Variants in MYO10 observed in about 807,000 individuals in gnomAD.
The protein encoded by MYO10 is myosin X.
A neutral mutation model predicts 257.3 loss-of-function variants in MYO10; 133 were observed. The observed-to-expected ratio is 0.52, with a 90% CI of 0.45 to 0.60. The LOEUF (loss-of-function observed/expected upper bound fraction) is 0.60, where lower values mean the gene tolerates loss of function less well. Among genes scored for constraint, MYO10 ranks in the 20% least tolerant of loss-of-function variants. The pLI is 0.00. For synonymous variants in MYO10, 1,104 were observed against 1,028.6 expected (o/e 1.07, Z -1.40); for missense variants, 2,399 against 2,635.7 (o/e 0.91, Z 1.97).
At chr5:16,709,919 C>A (rs1268579075) in intron 21 of MYO10, among the ~76,000 whole-genome samples, 2 of 152,144 alleles carry the variant, frequency 1.3e-5, no homozygotes, top group African/African-American at 4.8e-5. Context: ...CATGACTTTC[C>A]CTTGCTGAAT....
intron 21 of MYO10, among the ~76,000 whole-genome samples, chr5:16,708,870 T>C (rs1412605520): frequency 6.6e-6 from 1 of 152,236 alleles, no homozygotes; most frequent in African/African-American, 2.4e-5. Context: ...GCTTGCAATT[T>C]CTTTTTGATT....
intron 1 of MYO10, among the ~76,000 whole-genome samples, chr5:16,880,129 G>T (rs1229808880): frequency 6.6e-6 from 1 of 152,178 alleles, no homozygotes; most frequent in Admixed American, 6.6e-5. Context: ...ACACTGAATT[G>T]AGATCGTGCC....
chr5:16,730,740 G>A (rs1033849450), intron 19 of MYO10, among the ~76,000 whole-genome samples: 1 of 152,338 alleles, frequency 6.6e-6, no homozygotes. Flanking sequence ...CACATCTGAA[G>A]CAGCTAAATG....
intron 9 of MYO10, among the ~76,000 whole-genome samples, chr5:16,774,522 C>T (rs537367720): frequency 4.6e-5 from 7 of 152,124 alleles, no homozygotes; most frequent in African/African-American, 9.6e-5. Context: ...CCTGGGTTCA[C>T]GCCATTCTCC....
At chr5:16,846,022 T>TA (rs1160975770) in intron 2 of MYO10, among the ~76,000 whole-genome samples, 1 of 151,678 alleles carries the variant, frequency 6.6e-6, no homozygotes, top group Non-Finnish European at 1.5e-5. Context: ...CTTGATAAAA[T>TA]AAAAAATGGG....
At chr5:16,860,204 A>AAT in intron 2 of MYO10, among the ~76,000 whole-genome samples, 1 of 152,266 alleles carries the variant, frequency 6.6e-6, no homozygotes, top group East Asian at 1.9e-4. Flanking sequence ...GAGAGAAACA[A>AAT]ATGTCTCTGG....
At chr5:16,825,458 CAA>C (rs1742973997) in intron 2 of MYO10, among the ~76,000 whole-genome samples, 1 of 152,192 alleles carries the variant, frequency 6.6e-6, no homozygotes, top group African/African-American at 2.4e-5. Context: ...TGTAGTTTAA[CAA>C]AAGTTTCCTA....
At chr5:16,785,532 G>A (rs1180407311) in intron 4 of MYO10, among the ~76,000 whole-genome samples, 1 of 152,166 alleles carries the variant, frequency 6.6e-6, no homozygotes, top group African/African-American at 2.4e-5. Flanking sequence ...CTTTATCCTC[G>A]GGCACACAGA....
chr5:16,689,948 C>A, intron 27 of MYO10, 29 bp from the exon 28 acceptor site: 1 of 1,481,776 alleles, frequency 6.7e-7, no homozygotes. Context: ...AACAAACGCA[C>A]ATCAGGAACA....
chr5:16,872,558 A>G (rs1744484931), intron 2 of MYO10, among the ~76,000 whole-genome samples: 1 of 152,238 alleles, frequency 6.6e-6, no homozygotes, highest in Admixed American at 6.5e-5. Context: ...GAAAAAAGTT[A>G]AAAGACTAAA....
At position 16,818,414 on chromosome 5, in the gene MYO10, A is replaced by ATATATGTATATACG. The variant is rs1561000932; in HGVS notation, c.121-248_121-247insCGTATATACATATA. ...TGTGTGTGTGTGTGTGTGTGTGTATATATATATATATACACATATCTTTGT... is the reference window on the plus strand; with the variant it reads ...TGTGTGTGTGTGTGTGTGTGTGTATATATATGTATATACGTATATATATATACACATATCTTTGT... On this transcript the variant is annotated intron_variant, in intron 2 of 40. Coordinates refer to ENST00000513610, the MANE Select transcript of MYO10 (RefSeq NM_012334.3). Among the ~76,000 whole-genome samples the ATATATGTATATACG allele has an allele frequency of 2.4e-3, 330 of 138,172 alleles. 3 individuals carry two copies. Among genetic ancestry groups the ATATATGTATATACG allele is most frequent in the African/African-American group, 9.0e-3 (321 of 35,798 alleles). The allele number at this position is 138,172 out of a possible 152,430, so 90.6% of individuals were successfully genotyped here. A position where few individuals can be genotyped will look rare whatever the true frequency, so the allele number is the denominator to read the frequency against.
Position 16,701,848 on chromosome 5 carries a change from A to G in MYO10, c.2557-10T>C, listed in dbSNP as rs1355702393. On this transcript the variant is annotated splice_polypyrimidine_tract_variant and intron_variant, in intron 24 of 40. Transcript: ENST00000513610. The surrounding 1 kb of genome is among the most constrained non-coding windows in gnomAD (Gnocchi z 8.1). ...TCCTCGTTTCTTCTTCCTGGACAGAAGCAGAAGGGAGATTTCAGAAGGCTT... is the reference window on the plus strand; with the variant it reads ...TCCTCGTTTCTTCTTCCTGGACAGAGGCAGAAGGGAGATTTCAGAAGGCTT... 6.4e-7 allele frequency: 1 copy of G among 1,574,144 alleles called. No individual in the cohort carries two copies. The highest frequency in any genetic ancestry group is 1.4e-5 in the African/African-American group (1 of 72,876).
chr5:16,848,155 C>CTTTTTTTTTTTTTTTCTTTTTTTTT (rs1554002459), intron 2 of MYO10, among the ~76,000 whole-genome samples: 5 of 113,568 alleles, frequency 4.4e-5, no homozygotes, highest in African/African-American at 1.9e-4. Flanking sequence ...CTACACATTT[C>CTTTTTTTTTTTTTTTCTTTTTTTTT]TTTTTTTTTT....
chr5:16,843,777 G>C (rs1173071348), intron 2 of MYO10, among the ~76,000 whole-genome samples: 1 of 151,940 alleles, frequency 6.6e-6, no homozygotes, highest in Non-Finnish European at 1.5e-5. Flanking sequence ...TTTTTTTGAA[G>C]GAATGGAACA....
At chr5:16,745,783 T>C (rs1740176224) in intron 19 of MYO10, among the ~76,000 whole-genome samples, 1 of 152,154 alleles carries the variant, frequency 6.6e-6, no homozygotes, top group Non-Finnish European at 1.5e-5. Flanking sequence ...GAGGGTTCCT[T>C]AGGAAAAGGG....
At chr5:16,801,503 T>C (rs1349491862) in intron 3 of MYO10, among the ~76,000 whole-genome samples, 3 of 152,122 alleles carry the variant, frequency 2.0e-5, no homozygotes, top group Non-Finnish European at 4.4e-5. Flanking sequence ...TGAGCCACCA[T>C]GCCTGGCTAA....
chr5:16,846,215 T>A (rs911716055), intron 2 of MYO10, among the ~76,000 whole-genome samples: 8 of 152,190 alleles, frequency 5.3e-5, no homozygotes, highest in Non-Finnish European at 1.2e-4. Context: ...AAAGACAAGC[T>A]ATTGGCAGAC....
intron 4 of MYO10, among the ~76,000 whole-genome samples, chr5:16,786,790 C>G (rs1741593609): frequency 6.6e-6 from 1 of 152,000 alleles, no homozygotes; most frequent in Admixed American, 6.6e-5. Context: ...GGTGGTGGCT[C>G]TCAACCCTGG....
At chr5:16,756,334 G>A (rs1579954384) in intron 18 of MYO10, among the ~76,000 whole-genome samples, 1 of 152,274 alleles carries the variant, frequency 6.6e-6, no homozygotes, top group East Asian at 1.9e-4. Flanking sequence ...CTAAAGTGCT[G>A]GGATTACAGG....
Sources: gnomAD v4.1 joint callset for allele counts (sites outside exome capture counted in the v4.1 genomes callset) on GRCh38, gnomAD v4.1.1 for gene constraint, Gnocchi (gnomAD v3.1) non-coding constraint, MANE v1.5 for transcripts, NCBI Gene and HGNC (gene_info 2026-07-23, HGNC 2026-07-21) for gene names.